Variants in ERI1 observed in about 807,000 individuals in gnomAD.
ERI1 encodes the protein exoribonuclease 1.
ERI1 carries 39 observed loss-of-function variants against 39.7 expected under a neutral mutation model. That is an observed-to-expected ratio of 0.98 (90% CI 0.76 to 1.28). The LOEUF (loss-of-function observed/expected upper bound fraction) is 1.28, where lower values mean the gene tolerates loss of function less well. Ranked by LOEUF, ERI1 falls within the 50% of genes most tolerant of loss-of-function variation. The pLI, the probability that ERI1 is intolerant of heterozygous loss-of-function variation, is 0.00. For missense variants in ERI1, 581 were observed against 416.9 expected (o/e 1.39, Z -3.43); for synonymous variants, 204 against 149.6 (o/e 1.36, Z -2.65).
chr8:9,008,782 A>G (rs1816327071), intron 2 of ERI1, among the ~76,000 whole-genome samples: 1 of 152,174 alleles, frequency 6.6e-6, no homozygotes, highest in African/African-American at 2.4e-5. Flanking sequence ...GTCCAGAAAA[A>G]TACATCGATT....
intron 3 of ERI1, among the ~76,000 whole-genome samples, chr8:9,068,187 TTA>T (rs1460640737): frequency 4.6e-5 from 7 of 152,316 alleles, no homozygotes; most frequent in Admixed American, 3.9e-4. Flanking sequence ...TAAAATAGTA[TTA>T]TATACAATTG....
At chr8:9,009,368 T>A (rs191519047) in intron 2 of ERI1, among the ~76,000 whole-genome samples, 2 of 152,174 alleles carry the variant, frequency 1.3e-5, no homozygotes, top group Non-Finnish European at 2.9e-5. Flanking sequence ...TTCAGAAAGA[T>A]GACATTTGAA....
chr8:9,065,734 G>A (rs926717129), intron 3 of ERI1, among the ~76,000 whole-genome samples: 3 of 104,418 alleles, frequency 2.9e-5, no homozygotes, highest in South Asian at 3.4e-4. Context: ...CTGACAATAC[G>A]TGCAAAAATA....
At chr8:9,003,918 C>T (rs1341675055) in intron 1 of ERI1, among the ~76,000 whole-genome samples, 5 of 152,246 alleles carry the variant, frequency 3.3e-5, no homozygotes, top group Non-Finnish European at 7.3e-5. Flanking sequence ...CTTCCGTCCA[C>T]AGTCAGTTTC....
intron 3 of ERI1, among the ~76,000 whole-genome samples, chr8:9,059,284 A>T (rs538547594): frequency 6.6e-6 from 1 of 152,306 alleles, no homozygotes; most frequent in South Asian, 2.1e-4. Context: ...AGGGGATATG[A>T]TGGCTTAGCT....
intron 3 of ERI1, among the ~76,000 whole-genome samples, chr8:9,077,469 C>T (rs1415886062): frequency 6.6e-6 from 1 of 151,722 alleles, no homozygotes; most frequent in East Asian, 1.9e-4. Flanking sequence ...AACTGTGACT[C>T]AGAGGAGGAC....
intron 3 of ERI1, among the ~76,000 whole-genome samples, chr8:9,053,162 A>T (rs960818170): frequency 2.6e-5 from 4 of 152,128 alleles, no homozygotes; most frequent in African/African-American, 4.8e-5. Flanking sequence ...GACCACAGGC[A>T]TGCACTACCA....
intron 3 of ERI1, among the ~76,000 whole-genome samples, chr8:9,059,953 A>G (rs1281369302): frequency 6.6e-6 from 1 of 152,220 alleles, no homozygotes; most frequent in African/African-American, 2.4e-5. Flanking sequence ...AGGAGCGTCC[A>G]TACAGGAGCT....
At chr8:9,042,619 C>T (rs891050221) in intron 3 of ERI1, among the ~76,000 whole-genome samples, 6 of 152,066 alleles carry the variant, frequency 3.9e-5, no homozygotes, top group African/African-American at 9.7e-5. Flanking sequence ...AGCCTAGATG[C>T]GATGGGTCCT....
rs986004320 is a variant in ERI1, at chr8:9,015,970, A to T, written c.499-352A>T. Among the ~76,000 whole-genome samples the T allele has an allele frequency of 2.0e-5, 3 of 152,186 alleles. No individual in the cohort carries two copies. The East Asian group carries it at 5.8e-4, about 29-fold the overall frequency. On this transcript the variant is annotated intron_variant, in intron 3 of 6. Transcript: ENST00000250263. Reference sequence around the variant, plus strand: ...TGGCATTTCTTCAAAAGAATTTATTATTTTTAAAACTTAGTATCTTGAAGT... The same window carrying T: ...TGGCATTTCTTCAAAAGAATTTATTTTTTTTAAAACTTAGTATCTTGAAGT...
At chr8:9,091,828 G>A (rs1799714646) in intron 3 of ERI1, among the ~76,000 whole-genome samples, 1 of 152,220 alleles carries the variant, frequency 6.6e-6, no homozygotes, top group South Asian at 2.1e-4. Context: ...TAGTATTTCA[G>A]AATCCATCCA....
rs1797650590 is a variant in ERI1 at position 9,032,389 on chromosome 8, A to T, written c.*2355A>T. The stretch of plus-strand genomic sequence containing the variant: ...GTGGATTTCTGCTGATTTTTTTCAA[A>T]TCCGCAATCTTTATAACCAACTGAA... On this transcript the variant is annotated 3_prime_UTR_variant, in exon 7 of 7. Coordinates refer to ENST00000250263, the MANE Select transcript of ERI1 (RefSeq NM_153332.4). The T allele has an allele frequency of 6.6e-6, 1 of 152,148 alleles. No individual in the cohort carries two copies. Among genetic ancestry groups the T allele is most frequent in the East Asian group, 1.9e-4 (1 of 5,194 alleles). The allele number at this position is 152,148 out of a possible 1,614,324, so 9.4% of individuals were successfully genotyped here.
chr8:9,004,303 G>T, intron 1 of ERI1: 1 of 1,120,176 alleles, frequency 8.9e-7, no homozygotes, highest in South Asian at 1.9e-5. Flanking sequence ...TCCTGTAAGT[G>T]GGTTTTAAAA....
intron 3 of ERI1, among the ~76,000 whole-genome samples, chr8:9,060,537 G>C (rs902056657): frequency 1.4e-4 from 22 of 152,304 alleles, no homozygotes; most frequent in African/African-American, 5.1e-4. Flanking sequence ...TGATGGAAAG[G>C]AAATGAGAGG....
At chr8:9,058,806 CA>C (rs376725346) in intron 3 of ERI1, among the ~76,000 whole-genome samples, 24 of 148,094 alleles carry the variant, frequency 1.6e-4, no homozygotes, top group African/African-American at 5.7e-4. Flanking sequence ...TGAAATAGGC[CA>C]AAAAAAATAA....
At position 9,030,965 on chromosome 8, in the gene ERI1, G is replaced by T. The variant is rs1234540326; in HGVS notation, c.*931G>T. On this transcript the variant is annotated 3_prime_UTR_variant, in exon 7 of 7. Transcript: ENST00000250263. ...CCACTAGTGAAGTTAGTCAATAAAA[G>T]ACTTGTTTTTCTGATTTTACATAGT... 2 of 152,132 alleles carry T rather than the reference G, an allele frequency of 1.3e-5. No individual in the cohort carries two copies. The highest frequency in any genetic ancestry group is 4.8e-5 in the African/African-American group (2 of 41,422). The allele number at this position is 152,132 out of a possible 1,614,324, so 9.4% of individuals were successfully genotyped here.
At chr8:9,048,107 C>G (rs1798237920) in intron 3 of ERI1, among the ~76,000 whole-genome samples, 1 of 152,218 alleles carries the variant, frequency 6.6e-6, no homozygotes, top group African/African-American at 2.4e-5. Context: ...GCCACAACCA[C>G]CTGAGTGAAG....
intron 3 of ERI1, among the ~76,000 whole-genome samples, chr8:9,090,305 C>T (rs969082652): frequency 1.3e-5 from 2 of 152,142 alleles, no homozygotes; most frequent in Non-Finnish European, 2.9e-5. Flanking sequence ...GGTGGGAGGA[C>T]ACCTTGGTGC....
chr8:9,038,215 C>T (rs1797911971), downstream of ERI1, among the ~76,000 whole-genome samples: 1 of 152,162 alleles, frequency 6.6e-6, no homozygotes, highest in Admixed American at 6.5e-5. Flanking sequence ...CCTGGAACTT[C>T]TATTTTTGGT....
Sources: gnomAD v4.1 joint callset for allele counts (sites outside exome capture counted in the v4.1 genomes callset) on GRCh38, gnomAD v4.1.1 for gene constraint, MANE v1.5 for transcripts, NCBI Gene and HGNC (gene_info 2026-07-23, HGNC 2026-07-21) for gene names.